The following EXOC2 variants were observed in gnomAD, a reference collection of about 807,000 sequenced individuals.
The protein encoded by EXOC2 is SEC5-like 1.
In EXOC2, 70 loss-of-function variants were observed where a neutral mutation model predicts 131.8. The ratio of observed to expected loss-of-function variants is 0.53; its 90% CI spans 0.44 to 0.65. EXOC2 has a LOEUF of 0.65. EXOC2 is among the 30% of genes least tolerant of loss of function. The pLI is 0.00. For synonymous variants in EXOC2, 411 were observed against 398.4 expected, an observed-to-expected ratio of 1.03 and a Z score of -0.38; for missense variants, 923 against 1,108.6, an observed-to-expected ratio of 0.83 and a Z score of 2.38.
intron 1 of EXOC2, among the ~76,000 whole-genome samples, chr6:662,744 A>G (rs1449290467): frequency 6.6e-6 from 1 of 152,212 alleles, no homozygotes; most frequent in African/African-American, 2.4e-5. Flanking sequence ...CACCTCAAGG[A>G]ACTAGAGAAA....
At chr6:635,045 C>T (rs1762037772) in intron 2 of EXOC2, among the ~76,000 whole-genome samples, 1 of 152,158 alleles carries the variant, frequency 6.6e-6, no homozygotes, top group African/African-American at 2.4e-5. Context: ...TCCAGGTCAA[C>T]AGACAACTTA....
intron 13 of EXOC2, among the ~76,000 whole-genome samples, chr6:567,026 C>A (rs1276669630): frequency 6.6e-6 from 1 of 152,236 alleles, no homozygotes; most frequent in Non-Finnish European, 1.5e-5. Context: ...CTCTCCAACT[C>A]CACTGACGAA....
At chr6:540,892 A>T (rs1332309854) in intron 22 of EXOC2, among the ~76,000 whole-genome samples, 1 of 152,262 alleles carries the variant, frequency 6.6e-6, no homozygotes, top group Non-Finnish European at 1.5e-5. Context: ...AGTATCTAAA[A>T]AGGAGCCAAG....
chr6:652,344 T>C (rs1176192092), intron 1 of EXOC2, among the ~76,000 whole-genome samples: 1 of 152,232 alleles, frequency 6.6e-6, no homozygotes, highest in Non-Finnish European at 1.5e-5. Flanking sequence ...CTGGGTCCAA[T>C]GTTTGTGTGT....
chr6:606,356 T>C (rs1463697715), intron 7 of EXOC2, among the ~76,000 whole-genome samples: 1 of 152,084 alleles, frequency 6.6e-6, no homozygotes, highest in Non-Finnish European at 1.5e-5. Flanking sequence ...ACATGGCACA[T>C]GTATACACAT....
At position 666,999 on chromosome 6, in the gene EXOC2, C is replaced by T. The variant is rs1441266963; in HGVS notation, c.-44+26020G>A. ...GAAGTACCTTATAACAAAGTATTCC[C>T]ACTTTCTTCTTCTCATCCCTTACAA... On this transcript the variant is annotated intron_variant, in intron 1 of 27. Transcript: ENST00000230449. 2.1e-5 allele frequency among the ~76,000 whole-genome samples: 2 copies of T among 96,440 alleles called. 1 individual carries two copies. Among genetic ancestry groups the T allele is most frequent in the African/African-American group, 6.2e-5 (2 of 32,438 alleles). 63.3% of individuals were successfully genotyped at this position (96,440 alleles called of 152,430 possible). A position where few individuals can be genotyped will look rare whatever the true frequency, so the allele number is the denominator to read the frequency against.
chr6:629,727 A>C, intron 4 of EXOC2, 108 bp downstream of exon 4: 1 of 1,381,550 alleles, frequency 7.2e-7, no homozygotes, highest in Non-Finnish European at 9.8e-7. Context: ...AGGTGTCTTC[A>C]ACTGTGTTTC....
intron 6 of EXOC2, among the ~76,000 whole-genome samples, chr6:612,811 T>C (rs1760781920): frequency 6.6e-6 from 1 of 152,182 alleles, no homozygotes; most frequent in Non-Finnish European, 1.5e-5. Flanking sequence ...CTGTTTCGGC[T>C]TTTTACCCCA....
At chr6:623,789 G>A (rs1761417640) in intron 4 of EXOC2, among the ~76,000 whole-genome samples, 1 of 152,200 alleles carries the variant, frequency 6.6e-6, no homozygotes, top group African/African-American at 2.4e-5. Flanking sequence ...GTCTGTTGGA[G>A]CACATCTGGG....
chr6:532,054 C>T (rs926158080), intron 23 of EXOC2, among the ~76,000 whole-genome samples: 16 of 152,208 alleles, frequency 1.1e-4, no homozygotes, highest in Admixed American at 3.9e-4. Context: ...TCCTATCCTT[C>T]GCCTTTACAG....
At chr6:518,270 A>G (rs1001546456) in intron 23 of EXOC2, among the ~76,000 whole-genome samples, 2 of 108,564 alleles carry the variant, frequency 1.8e-5, no homozygotes, top group African/African-American at 8.4e-5. Flanking sequence ...TGGGGAGCCC[A>G]GGGGCACAGA....
At chr6:678,415 C>T (rs1434130465) in intron 1 of EXOC2, among the ~76,000 whole-genome samples, 5 of 152,206 alleles carry the variant, frequency 3.3e-5, no homozygotes, top group African/African-American at 1.2e-4. Context: ...TAAAAGTAAC[C>T]TAGTATTGCT....
intron 13 of EXOC2, among the ~76,000 whole-genome samples, chr6:569,724 C>T (rs1201303952): frequency 1.3e-5 from 2 of 152,328 alleles, no homozygotes; most frequent in African/African-American, 4.8e-5. Context: ...GAGCAAATTA[C>T]ACGTAATTAG....
chr6:491,300 TACC>T lies in EXOC2; in HGVS notation c.2560-117_2560-115del, dbSNP rs559567173. The T allele has an allele frequency of 2.2e-3, 2,236 of 1,028,072 alleles. 7 individuals carry two copies. Among genetic ancestry groups the T allele is most frequent in the Non-Finnish European group, 3.0e-3 (2,010 of 663,752 alleles). 63.7% of individuals were successfully genotyped at this position (1,028,072 alleles called of 1,614,324 possible). A position where few individuals can be genotyped will look rare whatever the true frequency, so the allele number is the denominator to read the frequency against. ...TCATCGTAGGATGGGGTTGGCGTAA[TACC>T]ACCATGGTGACCGCCAGTCATGAGT... On this transcript the variant is annotated intron_variant, in intron 25 of 27. Coordinates refer to ENST00000230449, the MANE Select transcript of EXOC2 (RefSeq NM_018303.6).
intron 1 of EXOC2, among the ~76,000 whole-genome samples, chr6:644,987 C>T (rs1399994240): frequency 6.6e-6 from 1 of 151,938 alleles, no homozygotes; most frequent in South Asian, 2.1e-4. Flanking sequence ...AGTAGATATT[C>T]GAACATCTAG....
chr6:587,421 T>A (rs1457476083), intron 11 of EXOC2, among the ~76,000 whole-genome samples: 2 of 152,192 alleles, frequency 1.3e-5, no homozygotes, highest in Non-Finnish European at 2.9e-5. Context: ...ATTTTTTGTA[T>A]TTTTAGTAGA....
At chr6:556,600 T>C in intron 17 of EXOC2, 36 bp from the exon 18 acceptor site, 1 of 1,609,638 alleles carries the variant, frequency 6.2e-7, no homozygotes. Context: ...AACTCAAAAA[T>C]GAGCACTGGC....
At chr6:586,091 T>C (rs908608228) in intron 11 of EXOC2, among the ~76,000 whole-genome samples, 1 of 152,218 alleles carries the variant, frequency 6.6e-6, no homozygotes, top group Non-Finnish European at 1.5e-5. Context: ...TTGTAAGCAA[T>C]TTCTTACGGT....
At chr6:648,417 C>A (rs886778186) in intron 1 of EXOC2, among the ~76,000 whole-genome samples, 5 of 152,174 alleles carry the variant, frequency 3.3e-5, no homozygotes, top group Admixed American at 1.3e-4. Context: ...ATGCCAGACT[C>A]CCTTGAGTTT....
Sources: allele counts gnomAD v4.1 joint callset (sites outside exome capture counted in the v4.1 genomes callset), GRCh38; gene constraint gnomAD v4.1.1; transcripts MANE v1.5; gene names NCBI Gene and HGNC (gene_info 2026-07-23, HGNC 2026-07-21).